Variants in SNRPA observed in about 807,000 individuals in gnomAD.
SNRPA encodes the protein small nuclear ribonucleoprotein polypeptide A.
SNRPA carries 10 observed loss-of-function variants against 24.5 expected under a neutral mutation model. That is an observed-to-expected ratio of 0.41 (90% CI 0.25 to 0.69). The LOEUF is 0.69. Ranked by LOEUF, SNRPA falls within the 30% of genes least tolerant of loss-of-function variation. The pLI, the probability that SNRPA is intolerant of heterozygous loss-of-function variation, is 0.33. For synonymous variants in SNRPA, 165 were observed against 148.4 expected, an observed-to-expected ratio of 1.11 and a Z score of -0.81; for missense variants, 283 against 394.7, an observed-to-expected ratio of 0.72 and a Z score of 2.40.
chr19:40,757,067 A>G (rs2082911531), intron 1 of SNRPA: 3 of 435,616 alleles, frequency 6.9e-6, no homozygotes, highest in Non-Finnish European at 1.3e-5. Flanking sequence ...AGTGTTTACT[A>G]CGTGCCGGAT....
intron 3 of SNRPA, among the ~76,000 whole-genome samples, chr19:40,760,037 A>G (rs1010726997): frequency 1.3e-5 from 2 of 152,142 alleles, no homozygotes; most frequent in Non-Finnish European, 2.9e-5. Context: ...ATTTATTCAT[A>G]TTATGTTTTG....
At chr19:40,759,801 G>A (rs2082924226) in intron 3 of SNRPA, among the ~76,000 whole-genome samples, 191 bp downstream of exon 3, 3 of 151,986 alleles carry the variant, frequency 2.0e-5, no homozygotes, top group South Asian at 2.1e-4. Flanking sequence ...ATCTCCTTTC[G>A]AAACTCTTGT....
At chr19:40,758,475 A>G (rs763941808) in intron 2 of SNRPA, among the ~76,000 whole-genome samples, 2 of 152,122 alleles carry the variant, frequency 1.3e-5, no homozygotes, top group Non-Finnish European at 2.9e-5. Context: ...CTCCTCTCCT[A>G]GCATTGTCTC....
chr19:40,752,450 A>G (rs10408452), intron 1 of SNRPA, among the ~76,000 whole-genome samples: 2,134 of 148,802 alleles, frequency 0.014, 38 homozygotes, highest in African/African-American at 0.05. Context: ...CTGCTTAGGA[A>G]CCCAATTTTT....
intron 1 of SNRPA, among the ~76,000 whole-genome samples, chr19:40,753,423 G>GTTTT (rs2082894308): frequency 1.8e-5 from 1 of 56,524 alleles, no homozygotes; most frequent in Non-Finnish European, 3.4e-5. Context: ...TTGAGGCAGA[G>GTTTT]TTTCACTCTG....
intron 5 of SNRPA, among the ~76,000 whole-genome samples, chr19:40,764,148 C>T (rs1201672339): frequency 6.6e-6 from 1 of 152,080 alleles, no homozygotes; most frequent in African/African-American, 2.4e-5. Flanking sequence ...GGCTGTTCAC[C>T]ATTGTTGAGT....
intron 1 of SNRPA, among the ~76,000 whole-genome samples, chr19:40,752,494 A>G (rs765616141): frequency 5.2e-4 from 77 of 146,674 alleles, no homozygotes; most frequent in Non-Finnish European, 7.5e-4. Context: ...TGTAAGCCCA[A>G]CACTTTGGGA....
At chr19:40,753,384 G>T (rs112991651) in intron 1 of SNRPA, among the ~76,000 whole-genome samples, 415 of 38,374 alleles carry the variant, frequency 0.011, 9 homozygotes, top group African/African-American at 0.03. Flanking sequence ...TTTTGCATAT[G>T]TTTTTTTTTT....
intron 1 of SNRPA, among the ~76,000 whole-genome samples, chr19:40,753,692 C>T (rs544852182): frequency 1.3e-5 from 2 of 152,012 alleles, no homozygotes; most frequent in African/African-American, 2.4e-5. Context: ...CCACCACACC[C>T]GGCCTGCATA....
Position 40,763,689 on chromosome 19 carries a change from G to A in SNRPA, c.689+14G>A. Reference sequence around the variant, plus strand: ...GCTTTTCAATCAGTAAGTGGGGCCTGTGGCTGGGTGGTCCCTGGAGGGTGA... The same window carrying A: ...GCTTTTCAATCAGTAAGTGGGGCCTATGGCTGGGTGGTCCCTGGAGGGTGA... On this transcript the variant is annotated intron_variant, in intron 5 of 5. Transcript: ENST00000243563. 1.9e-6 allele frequency: 3 copies of A among 1,606,210 alleles called. No individual in the cohort carries two copies. The highest frequency in any genetic ancestry group is 2.6e-6 in the Non-Finnish European group (3 of 1,172,784).
chr19:40,753,380 ATATGTTTTTTTTTT>A (rs1449570153), intron 1 of SNRPA, among the ~76,000 whole-genome samples: 101 of 86,490 alleles, frequency 1.2e-3, no homozygotes, highest in African/African-American at 4.7e-3. Flanking sequence ...TAAATTTTGC[ATATGTTTTTTTTTT>A]TTTTTTTTTT....
chr19:40,762,937 C>A lies in SNRPA; in HGVS notation c.463C>A (p.His155Asn), dbSNP rs763024094. ...GATGACTCAGGCGCCCCGCATTATGCACCACATGCCGGGCCAGCCGCCCTA... is the reference window on the plus strand; with the variant it reads ...GATGACTCAGGCGCCCCGCATTATGAACCACATGCCGGGCCAGCCGCCCTA... ...PPMTQAPRIM[H>N]HMPGQPPYMP... The change falls in exon 4 of 6, where the codon CAC (histidine) becomes AAC (asparagine). Residue 155 changes from histidine to asparagine, a missense_variant. This residue lies in a region of SNRPA where 167 missense variants were observed against 174.3 expected (regional missense o/e 0.96). Transcript: ENST00000243563. The A allele has an allele frequency of 5.0e-6, 8 of 1,613,880 alleles. No individual in the cohort carries two copies. Among genetic ancestry groups the A allele is most frequent in the Non-Finnish European group, 6.8e-6 (8 of 1,179,956 alleles).
At chr19:40,761,126 C>CA (rs560060437) in intron 3 of SNRPA, among the ~76,000 whole-genome samples, 6,595 of 75,188 alleles carry the variant, frequency 0.088, 244 homozygotes, top group African/African-American at 0.17. Context: ...CGTCCATGTG[C>CA]AAAAAAAAAA....
chr19:40,757,584 A>C (rs1203504076), intron 2 of SNRPA, 80 bp downstream of exon 2: 4 of 1,320,426 alleles, frequency 3.0e-6, no homozygotes, highest in Non-Finnish European at 4.2e-6. Context: ...AGAGGAGGGG[A>C]TATTACGGTT....
chr19:40,764,388 C>T (rs947848199), intron 5 of SNRPA, among the ~76,000 whole-genome samples: 3 of 152,056 alleles, frequency 2.0e-5, no homozygotes, highest in Non-Finnish European at 2.9e-5. Context: ...AAAACAATAC[C>T]ACATGTGCAG....
In SNRPA at chr19:40,751,219, T is replaced by G; in HGVS notation, c.-190T>G. The G allele has an allele frequency of 4.8e-6, 3 of 618,800 alleles. No homozygotes were observed. The highest frequency in any genetic ancestry group is 8.8e-6 in the Non-Finnish European group (3 of 341,520). 38.3% of individuals were successfully genotyped at this position (618,800 alleles called of 1,614,324 possible). ...TCGAGAGTTCTCTCCGCACGCGGGCTGGAGAAGCGGGTCCTACGCACGCTT... is the reference window on the plus strand; with the variant it reads ...TCGAGAGTTCTCTCCGCACGCGGGCGGGAGAAGCGGGTCCTACGCACGCTT... On this transcript the variant is annotated 5_prime_UTR_variant, in exon 1 of 6. Transcript: ENST00000243563.
intron 2 of SNRPA, among the ~76,000 whole-genome samples, chr19:40,757,923 C>G (rs187498803): frequency 2.0e-4 from 31 of 151,422 alleles, no homozygotes; most frequent in Admixed American, 1.5e-3. Flanking sequence ...GCCTAGGCAA[C>G]AGAGTGAGAC....
At chr19:40,754,180 T>G (rs1244310786) in intron 1 of SNRPA, among the ~76,000 whole-genome samples, 2 of 145,232 alleles carry the variant, frequency 1.4e-5, no homozygotes, top group East Asian at 4.4e-4. Flanking sequence ...CTCAGCTCAC[T>G]GCAACCTCCG....
intron 1 of SNRPA, among the ~76,000 whole-genome samples, chr19:40,752,664 ATCGC>A (rs2082887317): frequency 6.7e-6 from 1 of 149,940 alleles, no homozygotes; most frequent in Non-Finnish European, 1.5e-5. Flanking sequence ...AAGTGGGAGG[ATCGC>A]TTGAGCTAGA....
Sources: allele counts gnomAD v4.1 joint callset (sites outside exome capture counted in the v4.1 genomes callset), GRCh38; gene constraint gnomAD v4.1.1; regional missense constraint gnomAD v4.1.1; transcripts MANE v1.5; gene names NCBI Gene and HGNC (gene_info 2026-07-23, HGNC 2026-07-21).